The following CLDN11 variants were observed in gnomAD, a reference collection of about 807,000 sequenced individuals.
CLDN11 encodes the protein claudin 11, also known as claudin-11.
CLDN11 carries 1 observed loss-of-function variant against 18.0 expected under a neutral mutation model. That is an observed-to-expected ratio of 0.06 (90% CI 0.02 to 0.26). CLDN11 has a LOEUF of 0.26. CLDN11 is among the 10% of genes least tolerant of loss of function. The pLI is 1.00. For missense variants in CLDN11, 172 were observed against 276.6 expected (o/e 0.62, Z 2.68); for synonymous variants, 116 against 121.5 (o/e 0.96, Z 0.30).
Position 170,419,321 on chromosome 3 carries a change from C to G in CLDN11, c.226+29C>G. On this transcript the variant is annotated intron_variant, in intron 1 of 2. Transcript: ENST00000064724. This position sits in a 1 kb window ranked among gnomAD's most constrained non-coding sequence, Gnocchi z 8.6. ...AGGACCCGAGCTTGGCGGCGGCTCC[C>G]AAATCCTTATCCTCTGGGTAGAGAG... is the stretch of plus-strand genomic sequence containing the variant. 6.7e-7 allele frequency: 1 copy of G among 1,490,676 alleles called. No homozygotes were observed. The highest frequency in any genetic ancestry group is 1.4e-5 in the African/African-American group (1 of 71,978). The allele number at this position is 1,490,676 out of a possible 1,614,324, so 92.3% of individuals were successfully genotyped here.
In CLDN11 at chr3:170,424,916, G is replaced by GGTGTGT. The variant is rs747725849; in HGVS notation, c.391+1609_391+1614dup. On this transcript the variant is annotated intron_variant, in intron 2 of 2. Transcript: ENST00000064724. Reference sequence around the variant, plus strand: ...TTGCAGGTTCTTGTGAAGCCACAAGGGTGTGTGTGTGTGTGTGTGTGTGTG... The same window carrying GGTGTGT: ...TTGCAGGTTCTTGTGAAGCCACAAGGGTGTGTGTGTGTGTGTGTGTGTGTGTGTGTG... 9.2e-5 allele frequency among the ~76,000 whole-genome samples: 13 copies of GGTGTGT among 141,548 alleles called. 1 individual carries two copies. The highest frequency in any genetic ancestry group is 2.9e-4 in the Admixed American group (4 of 13,616). 92.9% of individuals were successfully genotyped at this position (141,548 alleles called of 152,430 possible).
rs1739028441 is a variant in CLDN11 at position 170,432,652 on chromosome 3, G to C, written c.520G>C (p.Val174Leu). The change falls in exon 3 of 3, where the codon GTC (valine) becomes CTC (leucine). Residue 174 changes from valine to leucine, a missense_variant. Coordinates refer to ENST00000064724, the MANE Select transcript of CLDN11 (RefSeq NM_005602.6). ...GAVLCLVGGC[V>L]ILCCAGDAQA... is the part of the protein sequence containing the mutation. ...TGTGCTGTGCCTCGTGGGTGGCTGT[G>C]TCATCCTCTGCTGCGCTGGAGATGC... The C allele has an allele frequency of 6.2e-7, 1 of 1,614,060 alleles. No homozygotes were observed. Among genetic ancestry groups the C allele is most frequent in the Admixed American group, 1.7e-5 (1 of 60,004 alleles).
Position 170,426,066 on chromosome 3 carries a change from G to A in CLDN11, c.391+2739G>A, listed in dbSNP as rs573800413. ...CGCTAGGCCTGTGCAAGGTCCTCAG[G>A]GTCACTGAATGGGGCTGAACAAACA... On this transcript the variant is annotated intron_variant, in intron 2 of 2. Transcript: ENST00000064724. Among the ~76,000 whole-genome samples, 29 of 152,142 alleles carry A rather than the reference G, an allele frequency of 1.9e-4. No individual in the cohort carries two copies. In the South Asian group the frequency reaches 5.8e-3, roughly 31 times the overall value.
rs1352551529 is a variant in CLDN11, at chr3:170,433,154, T to G, written c.*398T>G. The stretch of plus-strand genomic sequence containing the variant: ...ACTTTTTTTTTTTTTTTTTTTTTTT[T>G]TTTTTTAAATAGGGCCTCACTCTGT... On this transcript the variant is annotated 3_prime_UTR_variant, in exon 3 of 3. Coordinates refer to ENST00000064724, the MANE Select transcript of CLDN11 (RefSeq NM_005602.6). The G allele has an allele frequency of 3.6e-5, 5 of 140,402 alleles. No individual in the cohort carries two copies. Among genetic ancestry groups the G allele is most frequent in the South Asian group, 2.4e-4 (1 of 4,242 alleles). 8.7% of individuals were successfully genotyped at this position (140,402 alleles called of 1,614,324 possible).
rs376186318 is a variant in CLDN11, at chr3:170,428,833, AG to A, written c.392-3690del. ...AAAAATAAACTCTGATGATATAAAA[AG>A]AAAAAGAACAAAAATTCCCTTTGTC... On this transcript the variant is annotated intron_variant, in intron 2 of 2. Coordinates refer to ENST00000064724, the MANE Select transcript of CLDN11 (RefSeq NM_005602.6). Among the ~76,000 whole-genome samples, 19 of 152,368 alleles carry A rather than the reference AG, an allele frequency of 1.2e-4. 1 individual carries two copies. In the East Asian group the frequency reaches 2.3e-3, roughly 19 times the overall value.
rs1738682722 is a variant in CLDN11 at position 170,419,934 on chromosome 3, C to T, written c.226+642C>T. Among the ~76,000 whole-genome samples the T allele has an allele frequency of 6.6e-6, 1 of 152,264 alleles. No individual in the cohort carries two copies. The highest frequency in any genetic ancestry group is 6.5e-5 in the Admixed American group (1 of 15,290). Reference sequence around the variant, plus strand: ...GCCATCTCCGCTGCCCCCGCTACCCCCGCCCCTGCTGTGGGCGCGTCAGAC... The same window carrying T: ...GCCATCTCCGCTGCCCCCGCTACCCTCGCCCCTGCTGTGGGCGCGTCAGAC... On this transcript the variant is annotated intron_variant, in intron 1 of 2. Transcript: ENST00000064724. This position sits in a 1 kb window ranked among gnomAD's most constrained non-coding sequence, Gnocchi z 8.6.
At chr3:170,426,174 G>C (rs1293824157) in intron 2 of CLDN11, among the ~76,000 whole-genome samples, 1 of 152,206 alleles carries the variant, frequency 6.6e-6, no homozygotes, top group Non-Finnish European at 1.5e-5. Flanking sequence ...GCTAGTCCTG[G>C]TATGGGAACT....
At chr3:170,427,210 G>A (rs1230109519) in intron 2 of CLDN11, among the ~76,000 whole-genome samples, 3 of 152,100 alleles carry the variant, frequency 2.0e-5, no homozygotes, top group Non-Finnish European at 4.4e-5. Context: ...ATTTTTAAAA[G>A]GAAATCTTAG....
rs575319957 is a variant in CLDN11 at position 170,426,799 on chromosome 3, T to A, written c.391+3472T>A. On this transcript the variant is annotated intron_variant, in intron 2 of 2. Transcript: ENST00000064724. ...TTTCCTTCTTTTTATTTTTATTTTTTGAGACGGACCTTTGCTCTGTCGCCC... is the reference window on the plus strand; with the variant it reads ...TTTCCTTCTTTTTATTTTTATTTTTAGAGACGGACCTTTGCTCTGTCGCCC... 9.7e-4 allele frequency among the ~76,000 whole-genome samples: 148 copies of A among 152,306 alleles called. 1 individual carries two copies. The highest frequency in any genetic ancestry group is 3.3e-3 in the African/African-American group (136 of 41,574).
chr3:170,422,214 T>C (rs1405249962), intron 1 of CLDN11, among the ~76,000 whole-genome samples: 1 of 152,168 alleles, frequency 6.6e-6, no homozygotes. Context: ...TGAAAGCACA[T>C]GGTTAGGAGA....
At chr3:170,430,073 G>A (rs1237801203) in intron 2 of CLDN11, among the ~76,000 whole-genome samples, 1 of 152,194 alleles carries the variant, frequency 6.6e-6, no homozygotes, top group Non-Finnish European at 1.5e-5. Flanking sequence ...TTGCTAGGTT[G>A]CTGTTTTTTG....
intron 2 of CLDN11, among the ~76,000 whole-genome samples, chr3:170,430,891 T>C (rs1175844533): frequency 1.3e-5 from 2 of 152,176 alleles, no homozygotes; most frequent in Non-Finnish European, 2.9e-5. Flanking sequence ...TGGAGTGAAT[T>C]TGGGCTGTTA....
In CLDN11 at chr3:170,432,375, G is replaced by A; in HGVS notation, c.392-149G>A. ...TACAGATGCCAACTGCTACATATTGGTTCAGTGTTGAGGGAGCAGAACTGT... is the reference window on the plus strand; with the variant it reads ...TACAGATGCCAACTGCTACATATTGATTCAGTGTTGAGGGAGCAGAACTGT... On this transcript the variant is annotated intron_variant, in intron 2 of 2. Coordinates refer to ENST00000064724, the MANE Select transcript of CLDN11 (RefSeq NM_005602.6). 7 of 1,385,880 alleles carry A rather than the reference G, an allele frequency of 5.1e-6. No homozygotes were observed. In the South Asian group the frequency reaches 7.1e-5, roughly 14 times the overall value. 85.8% of individuals were successfully genotyped at this position (1,385,880 alleles called of 1,614,324 possible).
chr3:170,423,581 T>C, intron 2 of CLDN11: 1 of 465,832 alleles, frequency 2.1e-6, no homozygotes, highest in Non-Finnish European at 3.9e-6. Flanking sequence ...AGGTAGGAAA[T>C]ACCTAAGGGA....
intron 2 of CLDN11, among the ~76,000 whole-genome samples, chr3:170,424,837 G>A (rs1313326600): frequency 6.6e-6 from 1 of 152,322 alleles, no homozygotes; most frequent in Non-Finnish European, 1.5e-5. Flanking sequence ...CCAGTAAGGT[G>A]AGGGGACATG....
rs771317203 is a variant in CLDN11 at position 170,433,110 on chromosome 3, G to A, written c.*354G>A. 1 of 148,852 alleles carries A rather than the reference G, an allele frequency of 6.7e-6. No individual in the cohort carries two copies. The highest frequency in any genetic ancestry group is 1.5e-5 in the Non-Finnish European group (1 of 68,056). 9.2% of individuals were successfully genotyped at this position (148,852 alleles called of 1,614,324 possible). ...AACATCACTGAGTTAGGTGGGGGTG[G>A]GGAAGAGAAATACAAGATACTTTTT... On this transcript the variant is annotated 3_prime_UTR_variant, in exon 3 of 3. Transcript: ENST00000064724.
At chr3:170,423,470 A>G (rs1401744204) in intron 2 of CLDN11, 143 bp downstream of exon 2, 3 of 786,154 alleles carry the variant, frequency 3.8e-6, no homozygotes, top group Non-Finnish European at 6.1e-6. Flanking sequence ...CACAATCTGT[A>G]TCCCTTTGTA....
At position 170,423,146 on chromosome 3, in the gene CLDN11, T is replaced by G; in HGVS notation, c.227-17T>G. 6.2e-7 allele frequency: 1 copy of G among 1,614,166 alleles called. No homozygotes were observed. Among genetic ancestry groups the G allele is most frequent in the Middle Eastern group, 1.7e-4 (1 of 6,060 alleles). ...ACCCTGTGGTCTAACCTTTCCCATC[T>G]GCTCTCTTGTTCCCAGGCTACGTGC... On this transcript the variant is annotated splice_polypyrimidine_tract_variant and intron_variant, in intron 1 of 2. Coordinates refer to ENST00000064724, the MANE Select transcript of CLDN11 (RefSeq NM_005602.6).
intron 2 of CLDN11, among the ~76,000 whole-genome samples, chr3:170,429,398 A>G (rs1446293041): frequency 6.6e-6 from 1 of 152,200 alleles, no homozygotes; most frequent in African/African-American, 2.4e-5. Context: ...TAATGAGGTC[A>G]GTGATGAGCT....
Sources: gnomAD v4.1 joint callset for allele counts (sites outside exome capture counted in the v4.1 genomes callset) on GRCh38, gnomAD v4.1.1 for gene constraint, Gnocchi (gnomAD v3.1) non-coding constraint, MANE v1.5 for transcripts, NCBI Gene and HGNC (gene_info 2026-07-23, HGNC 2026-07-21) for gene names.